Variants in NCK2 observed in about 807,000 individuals in gnomAD.
NCK2 encodes NCK adaptor protein 2, also known as cytoplasmic protein NCK2.
In NCK2, 16 loss-of-function variants were observed where a neutral mutation model predicts 33.9. The ratio of observed to expected loss-of-function variants is 0.47; its 90% CI spans 0.32 to 0.72. The LOEUF (loss-of-function observed/expected upper bound fraction) is 0.72, where lower values mean the gene tolerates loss of function less well. Ranked by LOEUF, NCK2 falls within the 30% of genes least tolerant of loss-of-function variation. The pLI, the probability that NCK2 is intolerant of heterozygous loss-of-function variation, is 0.03. For missense variants in NCK2, 418 were observed against 537.3 expected, an observed-to-expected ratio of 0.78 and a Z score of 2.19; for synonymous variants, 273 against 239.9, an observed-to-expected ratio of 1.14 and a Z score of -1.27.
chr2:105,871,122 A>G (rs1257579969), intron 3 of NCK2, among the ~76,000 whole-genome samples: 1 of 152,082 alleles, frequency 6.6e-6, no homozygotes, highest in African/African-American at 2.4e-5. Flanking sequence ...GTGATGAGAC[A>G]GCGAGTGAGG....
chr2:105,786,713 G>A (rs559703837), intron 1 of NCK2, among the ~76,000 whole-genome samples: 2 of 152,256 alleles, frequency 1.3e-5, no homozygotes, highest in African/African-American at 2.4e-5. Context: ...TGTCTCCATC[G>A]CTGTCTCTTA....
intron 2 of NCK2, among the ~76,000 whole-genome samples, chr2:105,827,653 G>A (rs1355050314): frequency 6.6e-6 from 1 of 152,236 alleles, no homozygotes; most frequent in Non-Finnish European, 1.5e-5. Context: ...ATCATACAGA[G>A]TGTCTTCTAT....
intron 2 of NCK2, among the ~76,000 whole-genome samples, chr2:105,820,532 A>G (rs931340532): frequency 1.3e-4 from 20 of 152,220 alleles, no homozygotes; most frequent in Non-Finnish European, 2.6e-4. Context: ...TGGTCTCCCC[A>G]TTGAAGTTAA....
At chr2:105,769,399 TG>T (rs1690053171) in intron 1 of NCK2, among the ~76,000 whole-genome samples, 1 of 152,044 alleles carries the variant, frequency 6.6e-6, no homozygotes, top group Non-Finnish European at 1.5e-5. Context: ...TGACTCTCAC[TG>T]TGCTGGTAAC....
At chr2:105,779,306 CAAAA>C (rs780590996) in intron 1 of NCK2, among the ~76,000 whole-genome samples, 3 of 119,590 alleles carry the variant, frequency 2.5e-5, no homozygotes, top group Middle Eastern at 4.0e-3. Flanking sequence ...GACTCCGTCT[CAAAA>C]AAAAAAAAAA....
At chr2:105,878,721 T>C (rs1239837139) in intron 3 of NCK2, among the ~76,000 whole-genome samples, 3 of 152,234 alleles carry the variant, frequency 2.0e-5, no homozygotes, top group Admixed American at 1.3e-4. Context: ...TATTAAGTAA[T>C]TTGACTAAGA....
At chr2:105,798,391 C>CT (rs1291137365) in intron 1 of NCK2, among the ~76,000 whole-genome samples, 1 of 151,946 alleles carries the variant, frequency 6.6e-6, no homozygotes, top group Non-Finnish European at 1.5e-5. Context: ...CAGTGTTCTC[C>CT]TTTTTTCTTT....
At chr2:105,878,891 T>C (rs1430341769) in intron 3 of NCK2, among the ~76,000 whole-genome samples, 3 of 152,246 alleles carry the variant, frequency 2.0e-5, no homozygotes, top group African/African-American at 7.2e-5. Context: ...GCAGAAAGCA[T>C]GCCTGTCTGC....
chr2:105,792,599 G>GT (rs1558839167), intron 1 of NCK2, among the ~76,000 whole-genome samples: 2 of 151,616 alleles, frequency 1.3e-5, no homozygotes, highest in African/African-American at 4.9e-5. Flanking sequence ...GTCCAAACTC[G>GT]TTTGTTTTTT....
intron 3 of NCK2, among the ~76,000 whole-genome samples, chr2:105,876,476 T>A (rs912277567): frequency 1.2e-4 from 19 of 152,164 alleles, no homozygotes; most frequent in Non-Finnish European, 2.9e-5. Flanking sequence ...TGCTAGCGAA[T>A]GTGCTCTTCC....
At chr2:105,840,867 C>T (rs933855290) in intron 2 of NCK2, among the ~76,000 whole-genome samples, 1 of 152,174 alleles carries the variant, frequency 6.6e-6, no homozygotes, top group African/African-American at 2.4e-5. Flanking sequence ...GCTGTTACCA[C>T]CATTATGCAT....
intron 1 of NCK2, among the ~76,000 whole-genome samples, chr2:105,748,935 C>A (rs1392419037): frequency 1.3e-5 from 2 of 152,174 alleles, no homozygotes. Flanking sequence ...CTTCTGTCTA[C>A]TGTGGAAGGC....
rs568603923 is a variant in NCK2 at position 105,888,907 on chromosome 2, A to G, written c.949-4075A>G. Among the ~76,000 whole-genome samples, 3 of 152,320 alleles carry G rather than the reference A, an allele frequency of 2.0e-5. No homozygotes were observed. The South Asian group carries it at 6.2e-4, about 32-fold the overall frequency. ...CAGCCTCAGCCAGCATCCTGACTGC[A>G]TGTTTCAAAAATGTGTTAAGATTCT... On this transcript the variant is annotated intron_variant, in intron 4 of 4. Coordinates refer to ENST00000233154, the MANE Select transcript of NCK2 (RefSeq NM_003581.5).
In NCK2 at chr2:105,893,081, C is replaced by G; in HGVS notation, c.1048C>G (p.His350Asp). The G allele has an allele frequency of 6.2e-7, 1 of 1,614,132 alleles. No homozygotes were observed. The highest frequency in any genetic ancestry group is 8.5e-7 in the Non-Finnish European group (1 of 1,180,006). The change falls in exon 5 of 5, where the codon CAC becomes GAC. Residue 350 changes from histidine to aspartate, a missense_variant. His to Asp is a moderately conservative substitution (Grantham distance 81). Transcript: ENST00000233154. The stretch of plus-strand genomic sequence containing the variant: ...CTACTGCATTGGGCAGCGGCGCTTC[C>G]ACACCATGGACGAGCTGGTGGAACA... ...NVYCIGQRRF[H>D]TMDELVEHYK...
At chr2:105,887,911 G>A (rs371902771) in intron 4 of NCK2, among the ~76,000 whole-genome samples, 10 of 152,226 alleles carry the variant, frequency 6.6e-5, no homozygotes, top group African/African-American at 2.2e-4. Context: ...CACTTATCGC[G>A]AGCACAAATT....
chr2:105,891,532 A>ATTTTTTT (rs757598660), intron 4 of NCK2, among the ~76,000 whole-genome samples: 12 of 81,350 alleles, frequency 1.5e-4, no homozygotes, highest in Admixed American at 1.6e-4. Context: ...TAAAAGACCA[A>ATTTTTTT]TTTTTTTTTT....
intron 2 of NCK2, among the ~76,000 whole-genome samples, chr2:105,828,146 T>C (rs1454937608): frequency 6.6e-6 from 1 of 152,212 alleles, no homozygotes; most frequent in Non-Finnish European, 1.5e-5. Context: ...CATTTCCTCT[T>C]TTTATAGTAG....
chr2:105,809,266 A>G (rs1370805474), intron 1 of NCK2, among the ~76,000 whole-genome samples: 2 of 152,152 alleles, frequency 1.3e-5, no homozygotes, highest in Non-Finnish European at 2.9e-5. Context: ...CGTGTGTCAT[A>G]TGTCGTGACA....
rs1206291517 is a variant in NCK2 at position 105,893,222 on chromosome 2, T to C, written c.*46T>C. Reference sequence around the variant, plus strand: ...CGCCTCCCGGGCCCCACGGTGGAGCTGCCCGCCCGGCCTTGTGGCAGAGGC... The same window carrying C: ...CGCCTCCCGGGCCCCACGGTGGAGCCGCCCGCCCGGCCTTGTGGCAGAGGC... On this transcript the variant is annotated 3_prime_UTR_variant, in exon 5 of 5. Coordinates refer to ENST00000233154, the MANE Select transcript of NCK2 (RefSeq NM_003581.5). The C allele has an allele frequency of 6.6e-7, 1 of 1,515,510 alleles. No individual in the cohort carries two copies. Among genetic ancestry groups the C allele is most frequent in the Non-Finnish European group, 8.9e-7 (1 of 1,126,952 alleles). 93.9% of individuals were successfully genotyped at this position (1,515,510 alleles called of 1,614,324 possible).
Sources: allele counts gnomAD v4.1 joint callset (sites outside exome capture counted in the v4.1 genomes callset), GRCh38; gene constraint gnomAD v4.1.1; transcripts MANE v1.5; gene names NCBI Gene and HGNC (gene_info 2026-07-23, HGNC 2026-07-21).